The following PDE10A variants were observed in gnomAD, a reference collection of about 807,000 sequenced individuals.
The protein encoded by PDE10A is cAMP and cAMP-inhibited cGMP 3',5'-cyclic phosphodiesterase 10A.
PDE10A carries 39 observed loss-of-function variants against 97.7 expected under a neutral mutation model. The observed-to-expected ratio is 0.40, with a 90% CI of 0.31 to 0.52. The LOEUF (loss-of-function observed/expected upper bound fraction) is 0.52, where lower values mean the gene tolerates loss of function less well. PDE10A is among the 20% of genes least tolerant of loss of function. The probability of loss-of-function intolerance (pLI) is 0.56; values close to 1 mark genes in which losing one functional copy is unlikely to be tolerated. For missense variants in PDE10A, 731 were observed against 1,047.8 expected (o/e 0.70, Z 4.17); for synonymous variants, 371 against 376.8 (o/e 0.98, Z 0.18).
At position 165,517,600 on chromosome 6, in the gene PDE10A, C is replaced by T. The variant is rs543197670; in HGVS notation, c.994+25840G>A. Reference sequence around the variant, plus strand: ...AATAACAAGGAACACACAATTGGTACAGACAGCAACTCGGATGAATCTCAA... The same window carrying T: ...AATAACAAGGAACACACAATTGGTATAGACAGCAACTCGGATGAATCTCAA... On this transcript the variant is annotated intron_variant, in intron 2 of 21. Coordinates refer to ENST00000539869, the MANE Select transcript of PDE10A (RefSeq NM_001385079.1). 2.0e-5 allele frequency among the ~76,000 whole-genome samples: 3 copies of T among 152,266 alleles called. No individual in the cohort carries two copies. The South Asian group carries it at 6.2e-4, about 32-fold the overall frequency.
At chr6:165,338,212 G>A (rs924087933) in intron 20 of PDE10A, among the ~76,000 whole-genome samples, 5 of 152,228 alleles carry the variant, frequency 3.3e-5, no homozygotes, top group Admixed American at 3.3e-4. Flanking sequence ...CAGCCTCTTT[G>A]TTGTGCTGGT....
rs749288705 is a variant in PDE10A, at chr6:165,711,766, C to T, written c.-614-168198G>A. Among the ~76,000 whole-genome samples the T allele has an allele frequency of 2.0e-5, 3 of 152,154 alleles. No homozygotes were observed. The highest frequency in any genetic ancestry group is 4.4e-5 in the Non-Finnish European group (3 of 68,032). On this transcript the variant is annotated intron_variant, in intron 1 of 19. Transcript: ENST00000366882. The surrounding 1 kb of genome is among the most constrained non-coding windows in gnomAD (Gnocchi z 4.5). Reference sequence around the variant, plus strand: ...TGTGCTAATTCACTCGTCAGACCAGCGAACCTCAAATGCATTTTTGTGGCA... The same window carrying T: ...TGTGCTAATTCACTCGTCAGACCAGTGAACCTCAAATGCATTTTTGTGGCA...
intron 1 of PDE10A, among the ~76,000 whole-genome samples, chr6:165,955,547 C>T (rs998297423): frequency 1.3e-5 from 2 of 152,172 alleles, no homozygotes; most frequent in African/African-American, 2.4e-5. Context: ...TCCCATTACC[C>T]GTAATCTTCT....
chr6:165,923,651 T>C (rs1417837393), intron 1 of PDE10A, among the ~76,000 whole-genome samples: 3 of 152,208 alleles, frequency 2.0e-5, no homozygotes, highest in Non-Finnish European at 2.9e-5. Context: ...AGAGGACCCA[T>C]TGCTGGTTAG....
At chr6:165,777,214 G>C (rs1215913132) in intron 1 of PDE10A, among the ~76,000 whole-genome samples, 1 of 152,194 alleles carries the variant, frequency 6.6e-6, no homozygotes, top group Non-Finnish European at 1.5e-5. Context: ...CAGTCACCTG[G>C]ATGGAAAGTG....
Position 165,654,871 on chromosome 6 carries a change from C to T in PDE10A, c.865+7076G>A, listed in dbSNP as rs142993564. On this transcript the variant is annotated intron_variant, in intron 1 of 21. Coordinates refer to ENST00000539869, the MANE Select transcript of PDE10A (RefSeq NM_001385079.1). ...GAGGCTCCGCTTCTGAACTCCAGGC[C>T]GTGCTACCTTCCATCTCAGGATCTT... is the stretch of plus-strand genomic sequence containing the variant. 2.6e-4 allele frequency among the ~76,000 whole-genome samples: 40 copies of T among 152,248 alleles called. No individual in the cohort carries two copies. In the East Asian group the frequency reaches 6.2e-3, roughly 24 times the overall value.
intron 1 of PDE10A, among the ~76,000 whole-genome samples, chr6:165,797,289 C>T (rs1339479972): frequency 1.3e-5 from 2 of 152,192 alleles, no homozygotes; most frequent in Admixed American, 1.3e-4. Flanking sequence ...ATAGTTTTGT[C>T]ACTTGCAATC....
In PDE10A at chr6:165,742,790, C is replaced by A. The variant is rs187667084; in HGVS notation, c.-614-199222G>T. Among the ~76,000 whole-genome samples, 22 of 152,212 alleles carry A rather than the reference C, an allele frequency of 1.4e-4. No individual in the cohort carries two copies. The East Asian group carries it at 3.7e-3, about 25-fold the overall frequency. ...TGAGCCTCTCAGCTGTGCTCTTCCA[C>A]CCCCTACGTCCCACTGCTGAGGGAG... On this transcript the variant is annotated intron_variant, in intron 1 of 19. Coordinates refer to the PDE10A transcript ENST00000366882.
intron 1 of PDE10A, among the ~76,000 whole-genome samples, chr6:165,967,661 A>G (rs1784551425): frequency 1.3e-5 from 2 of 152,246 alleles, no homozygotes; most frequent in Non-Finnish European, 2.9e-5. Flanking sequence ...GACAGAAAAT[A>G]GAGAAGTGTC....
At chr6:165,710,036 A>G (rs1791854774) in intron 1 of PDE10A, among the ~76,000 whole-genome samples, 1 of 152,114 alleles carries the variant, frequency 6.6e-6, no homozygotes. Context: ...TCAGCCCTGA[A>G]CATACCAACT....
rs1788062843 is a variant in PDE10A, at chr6:165,413,494, T to C, written c.2076+7A>G. On this transcript the variant is annotated splice_region_variant and intron_variant, in intron 13 of 21. Transcript: ENST00000539869. ...GTAAAAAATGGTATTTAATAAATAG[T>C]ACTTACATTAGCACAGTGTAAGGCT... The C allele has an allele frequency of 6.3e-7, 1 of 1,592,368 alleles. No homozygotes were observed. The highest frequency in any genetic ancestry group is 8.6e-7 in the Non-Finnish European group (1 of 1,161,780).
chr6:165,354,598 A>C (rs960479061), intron 18 of PDE10A, among the ~76,000 whole-genome samples: 12 of 152,220 alleles, frequency 7.9e-5, no homozygotes, highest in Admixed American at 6.5e-5. Flanking sequence ...ACTGAGGTAA[A>C]GTGTCCATCT....
chr6:165,530,208 A>G (rs2128314028), intron 2 of PDE10A, among the ~76,000 whole-genome samples: 1 of 152,194 alleles, frequency 6.6e-6, no homozygotes, highest in South Asian at 2.1e-4. Flanking sequence ...GCTTGCAGAC[A>G]GCCTACTGTG....
intron 3 of PDE10A, among the ~76,000 whole-genome samples, chr6:165,476,709 A>G (rs1779316979): frequency 6.6e-6 from 1 of 152,264 alleles, no homozygotes; most frequent in Non-Finnish European, 1.5e-5. Context: ...TAACAAATTC[A>G]AAGAGCAAAT....
chr6:165,547,568 A>G (rs1783800523), intron 1 of PDE10A, among the ~76,000 whole-genome samples: 1 of 152,162 alleles, frequency 6.6e-6, no homozygotes, highest in African/African-American at 2.4e-5. Flanking sequence ...TTTAGTAAAG[A>G]TAATTGCTTC....
chr6:165,432,751 T>C (rs1013140263), intron 7 of PDE10A, among the ~76,000 whole-genome samples: 12 of 152,102 alleles, frequency 7.9e-5, no homozygotes, highest in Admixed American at 2.0e-4. Flanking sequence ...CACTGGATTT[T>C]ACTTAACAAA....
intron 2 of PDE10A, among the ~76,000 whole-genome samples, chr6:165,524,150 A>G (rs75861402): frequency 1.3e-3 from 196 of 152,256 alleles, no homozygotes; most frequent in Non-Finnish European, 2.4e-3. Context: ...CAGAGGGCCT[A>G]TTGTTGGACC....
chr6:165,712,784 C>G (rs9459490), intron 1 of PDE10A, among the ~76,000 whole-genome samples: 1 of 151,256 alleles, frequency 6.6e-6, no homozygotes, highest in African/African-American at 2.4e-5. Context: ...GGACTACAGG[C>G]GCCCGCCACC....
intron 19 of PDE10A, 112 bp from the exon 20 acceptor site, chr6:165,339,470 T>C (rs2128177978): frequency 1.4e-6 from 1 of 714,886 alleles, no homozygotes; most frequent in Non-Finnish European, 2.4e-6. Flanking sequence ...ACAAATAATG[T>C]TTGTGGTTGT....
Sources: allele counts gnomAD v4.1 joint callset (sites outside exome capture counted in the v4.1 genomes callset), GRCh38; gene constraint gnomAD v4.1.1; non-coding constraint Gnocchi (gnomAD v3.1); transcripts MANE v1.5; gene names NCBI Gene and HGNC (gene_info 2026-07-23, HGNC 2026-07-21).